CXADR: variants seen among roughly 807,000 people sequenced by gnomAD.
CXADR encodes coxsackievirus and adenovirus receptor.
CXADR carries 20 observed loss-of-function variants against 40.3 expected under a neutral mutation model. That is an observed-to-expected ratio of 0.50 (90% CI 0.35 to 0.72). The LOEUF (loss-of-function observed/expected upper bound fraction) is 0.72, where lower values mean the gene tolerates loss of function less well. Among genes scored for constraint, CXADR ranks in the 30% least tolerant of loss-of-function variants. The pLI is 0.01. For missense variants in CXADR, 332 were observed against 449.1 expected (o/e 0.74, Z 2.36); for synonymous variants, 150 against 161.3 (o/e 0.93, Z 0.53).
chr21:17,594,148 C>G, downstream of CXADR: 1 of 1,613,224 alleles, frequency 6.2e-7, no homozygotes. Flanking sequence ...ACAATGCATT[C>G]CAGGAGGAGG....
At chr21:17,600,032 AT>A in the CXADR span, among the ~76,000 whole-genome samples, 4 of 152,148 alleles carry the variant, frequency 2.6e-5, no homozygotes, top group African/African-American at 7.2e-5. Context: ...TCTCATCTTA[AT>A]TTTTTTTAAG....
chr21:17,594,230 G>A, downstream of CXADR: 14 of 1,613,374 alleles, frequency 8.7e-6, no homozygotes, highest in Non-Finnish European at 1.1e-5. Context: ...AATGGAACAG[G>A]AGGAGGATAG....
chr21:17,593,164 T>TA lies in CXADR; in HGVS notation c.1031dup (p.Tyr344Ter). 6.9e-7 allele frequency: 1 copy of TA among 1,456,366 alleles called. No individual in the cohort carries two copies. Among genetic ancestry groups the TA allele is most frequent in the African/African-American group, 1.4e-5 (1 of 70,032 alleles). The allele number at this position is 1,456,366 out of a possible 1,614,324, so 90.2% of individuals were successfully genotyped here. ...TTTCTTTTTGTAGTTCAAGTACCCT[T>TA]ACAAGACTGATGGAATTACAGTTGT... The change falls in exon 8 of 8, where the codon TAC (tyrosine) becomes TAAC (stop). Residue 344 changes from tyrosine to a stop codon, truncating the protein, a stop_gained and frameshift_variant. Transcript: ENST00000400169. LOFTEE classifies it high-confidence loss of function.
chr21:17,564,622 T>C (rs2061178023), intron 6 of CXADR, among the ~76,000 whole-genome samples: 1 of 152,138 alleles, frequency 6.6e-6, no homozygotes, highest in African/African-American at 2.4e-5. Flanking sequence ...AAAATTCTTA[T>C]GCCTAAATTC....
At chr21:17,514,282 A>T (rs1030171923) in intron 1 of CXADR, among the ~76,000 whole-genome samples, 2 of 152,036 alleles carry the variant, frequency 1.3e-5, no homozygotes, top group Non-Finnish European at 2.9e-5. Flanking sequence ...TCCTGTTGAA[A>T]TGTTAATTCC....
chr21:17,548,040 T>A (rs1426668888), intron 2 of CXADR, among the ~76,000 whole-genome samples: 1 of 152,158 alleles, frequency 6.6e-6, no homozygotes, highest in Non-Finnish European at 1.5e-5. Context: ...GCATATTGGC[T>A]TTGTCTGACA....
At chr21:17,535,026 C>T (rs773205070) in intron 1 of CXADR, among the ~76,000 whole-genome samples, 1 of 152,166 alleles carries the variant, frequency 6.6e-6, no homozygotes, top group Non-Finnish European at 1.5e-5. Context: ...AGGTGATCCG[C>T]CTGCCTTGGC....
At chr21:17,519,638 T>C (rs1232818034) in intron 1 of CXADR, among the ~76,000 whole-genome samples, 1 of 152,194 alleles carries the variant, frequency 6.6e-6, no homozygotes, top group African/African-American at 2.4e-5. Flanking sequence ...ATAGGTCCCT[T>C]AAATGTCAGC....
chr21:17,627,426 A>G, the CXADR span, among the ~76,000 whole-genome samples: 1 of 152,184 alleles, frequency 6.6e-6, no homozygotes, highest in East Asian at 1.9e-4. Context: ...CCAACAAGGA[A>G]GGACAAAGGA....
chr21:17,635,125 A>G, the CXADR span, among the ~76,000 whole-genome samples: 3 of 152,262 alleles, frequency 2.0e-5, no homozygotes, highest in South Asian at 2.1e-4. Context: ...AATCTGTGGC[A>G]TAACTCTCAA....
intron 1 of CXADR, among the ~76,000 whole-genome samples, chr21:17,533,483 G>A (rs2123178844): frequency 6.6e-6 from 1 of 152,308 alleles, no homozygotes; most frequent in South Asian, 2.1e-4. Flanking sequence ...TACATACAGA[G>A]TGAGTGTGGC....
chr21:17,577,179 A>G (rs1371255011), intron 7 of CXADR, among the ~76,000 whole-genome samples: 2 of 152,150 alleles, frequency 1.3e-5, no homozygotes, highest in Non-Finnish European at 2.9e-5. Context: ...TTCCTTGTTA[A>G]GATAACACTG....
the CXADR span, among the ~76,000 whole-genome samples, chr21:17,606,760 C>G: frequency 6.6e-6 from 1 of 151,994 alleles, no homozygotes; most frequent in Non-Finnish European, 1.5e-5. Flanking sequence ...TAAAAATATT[C>G]TATCATTTAC....
chr21:17,587,252 C>T (rs934332685), intron 7 of CXADR, among the ~76,000 whole-genome samples: 2 of 151,988 alleles, frequency 1.3e-5, no homozygotes, highest in Non-Finnish European at 2.9e-5. Context: ...GGGTATATAC[C>T]CAGTAATGGG....
the CXADR span, among the ~76,000 whole-genome samples, chr21:17,611,505 C>G: frequency 6.6e-6 from 1 of 152,070 alleles, no homozygotes; most frequent in Non-Finnish European, 1.5e-5. Flanking sequence ...AATGATAGCT[C>G]GAACAGCTGA....
At chr21:17,625,237 T>A in the CXADR span, among the ~76,000 whole-genome samples, 1 of 151,854 alleles carries the variant, frequency 6.6e-6, no homozygotes, top group African/African-American at 2.4e-5. Flanking sequence ...TTTTTTTTTT[T>A]AAACTTATTC....
chr21:17,625,471 G>A, the CXADR span, among the ~76,000 whole-genome samples: 13 of 152,124 alleles, frequency 8.5e-5, no homozygotes, highest in South Asian at 1.2e-3. Flanking sequence ...AAATAATGAC[G>A]TACCCCAAAA....
At chr21:17,583,291 C>T (rs2061373323) in intron 7 of CXADR, among the ~76,000 whole-genome samples, 1 of 152,052 alleles carries the variant, frequency 6.6e-6, no homozygotes, top group Non-Finnish European at 1.5e-5. Flanking sequence ...GTTTAAACTT[C>T]TTGTAATGTT....
At chr21:17,623,218 A>G in the CXADR span, among the ~76,000 whole-genome samples, 1 of 152,110 alleles carries the variant, frequency 6.6e-6, no homozygotes, top group African/African-American at 2.4e-5. Context: ...TGAGATTTAC[A>G]GGTGTGAGCC....
Sources: gnomAD v4.1 joint callset for allele counts (sites outside exome capture counted in the v4.1 genomes callset) on GRCh38, gnomAD v4.1.1 for gene constraint, MANE v1.5 for transcripts, NCBI Gene and HGNC (gene_info 2026-07-23, HGNC 2026-07-21) for gene names.